Variants in DOCK4 observed in about 807,000 individuals in gnomAD.
DOCK4 encodes dedicator of cytokinesis 4.
DOCK4 carries 97 observed loss-of-function variants against 268.1 expected under a neutral mutation model. That is an observed-to-expected ratio of 0.36 (90% CI 0.31 to 0.43). The LOEUF is 0.43. Ranked by LOEUF, DOCK4 falls within the 20% of genes least tolerant of loss-of-function variation. DOCK4 has a pLI of 1.00. For synonymous variants in DOCK4, 954 were observed against 887.2 expected, an observed-to-expected ratio of 1.08 and a Z score of -1.34; for missense variants, 2,145 against 2,455.7, an observed-to-expected ratio of 0.87 and a Z score of 2.67.
intron 1 of DOCK4, among the ~76,000 whole-genome samples, chr7:112,051,687 G>C (rs1019130470): frequency 6.6e-6 from 1 of 151,896 alleles, no homozygotes; most frequent in African/African-American, 2.4e-5. Flanking sequence ...TAAAAACTTG[G>C]AAGCATGAAG....
intron 34 of DOCK4, 94 bp from the exon 35 acceptor site, chr7:111,783,018 G>GAAAAAAAAAAAAAAAAAAA: frequency 2.0e-6 from 1 of 512,490 alleles, no homozygotes; most frequent in East Asian, 3.7e-5. Context: ...AAGAAAGAAA[G>GAAAAAAAAAAAAAAAAAAA]AAAAAAAAAA....
chr7:112,109,641 T>C (rs1043340492), intron 1 of DOCK4, among the ~76,000 whole-genome samples: 1 of 152,196 alleles, frequency 6.6e-6, no homozygotes, highest in Non-Finnish European at 1.5e-5. Context: ...TTTTAACAAG[T>C]TCGAAGAGAA....
At chr7:111,981,847 A>T (rs1421964189) in intron 7 of DOCK4, among the ~76,000 whole-genome samples, 1 of 152,082 alleles carries the variant, frequency 6.6e-6, no homozygotes, top group Non-Finnish European at 1.5e-5. Context: ...GCAACACTGA[A>T]CTCTAGGCAG....
At chr7:112,101,773 T>G (rs1184193041) in intron 1 of DOCK4, among the ~76,000 whole-genome samples, 1 of 152,178 alleles carries the variant, frequency 6.6e-6, no homozygotes, top group Non-Finnish European at 1.5e-5. Flanking sequence ...CTTATAGTCT[T>G]TTTTTGCTCG....
chr7:112,159,875 C>CAT (rs749944855), intron 1 of DOCK4, among the ~76,000 whole-genome samples: 195 of 141,208 alleles, frequency 1.4e-3, no homozygotes, highest in Non-Finnish European at 2.2e-3. Context: ...TACATATACA[C>CAT]ATATATATAT....
At chr7:111,960,225 C>T (rs1397056135) in intron 8 of DOCK4, among the ~76,000 whole-genome samples, 3 of 151,322 alleles carry the variant, frequency 2.0e-5, no homozygotes, top group African/African-American at 4.9e-5. Context: ...ATTAGCAGGG[C>T]GTGGTGGCAT....
intron 4 of DOCK4, among the ~76,000 whole-genome samples, chr7:111,997,779 C>T (rs1192737402): frequency 3.3e-5 from 5 of 152,152 alleles, no homozygotes; most frequent in Non-Finnish European, 7.4e-5. Context: ...AAATCCATGG[C>T]CCCTTATGAT....
At chr7:111,782,822 A>T in intron 35 of DOCK4, 42 bp downstream of exon 35, 1 of 1,582,980 alleles carries the variant, frequency 6.3e-7, no homozygotes, top group Non-Finnish European at 8.7e-7. Context: ...AAAAAATACA[A>T]GTATTAGGAG....
At chr7:111,821,196 CA>C (rs1801949671) in intron 27 of DOCK4, 1 of 152,112 alleles carries the variant, frequency 6.6e-6, no homozygotes, top group Non-Finnish European at 1.5e-5. Context: ...CATATATAAT[CA>C]AAATCGAATC....
intron 5 of DOCK4, among the ~76,000 whole-genome samples, chr7:111,992,734 T>C (rs1368226425): frequency 6.6e-6 from 1 of 152,220 alleles, no homozygotes; most frequent in East Asian, 1.9e-4. Flanking sequence ...AAAGTGTTTG[T>C]GTTCTAGTTC....
chr7:111,968,976 C>T (rs1167828127), intron 8 of DOCK4, among the ~76,000 whole-genome samples: 27 of 92,266 alleles, frequency 2.9e-4, no homozygotes, highest in South Asian at 2.5e-3. Flanking sequence ...AACCAAACAC[C>T]GCATATTCTC....
intron 30 of DOCK4, among the ~76,000 whole-genome samples, chr7:111,801,425 G>A (rs997231288): frequency 6.6e-6 from 1 of 152,140 alleles, no homozygotes. Flanking sequence ...CACACCACAT[G>A]TGTGCGTGTC....
intron 8 of DOCK4, among the ~76,000 whole-genome samples, chr7:111,950,461 A>T (rs1162629757): frequency 3.3e-5 from 5 of 152,202 alleles, no homozygotes; most frequent in Non-Finnish European, 7.3e-5. Flanking sequence ...GTGGAAGAGA[A>T]GTTTATATGT....
chr7:111,848,393 C>T (rs2134100199), intron 23 of DOCK4, among the ~76,000 whole-genome samples: 1 of 152,324 alleles, frequency 6.6e-6, no homozygotes, highest in African/African-American at 2.4e-5. Context: ...GAAAGCGATG[C>T]TACTGCCACC....
chr7:111,843,192 G>C (rs537299954), intron 25 of DOCK4, among the ~76,000 whole-genome samples: 102 of 152,236 alleles, frequency 6.7e-4, no homozygotes, highest in African/African-American at 2.2e-3. Context: ...TAACATTTAA[G>C]ATACAGGGCT....
rs185135575 is a variant in DOCK4, at chr7:111,851,309, C to T, written c.2474-4183G>A. Among the ~76,000 whole-genome samples, 1,480 of 151,878 alleles carry T rather than the reference C, an allele frequency of 9.7e-3. 20 individuals are homozygous for T. Among genetic ancestry groups the T allele is most frequent in the African/African-American group, 0.031 (1,291 of 41,430 alleles). On this transcript the variant is annotated intron_variant, in intron 23 of 52. Coordinates refer to ENST00000428084, the MANE Select transcript of DOCK4 (RefSeq NM_001363540.2). ...AATACAAAAAATTAGCTGGGCGTGG[C>T]GGCACGCGCCTGTAAGTCCCAGCTA...
intron 25 of DOCK4, among the ~76,000 whole-genome samples, chr7:111,835,648 T>C (rs1359461494): frequency 1.3e-5 from 2 of 152,342 alleles, no homozygotes; most frequent in East Asian, 3.9e-4. Context: ...AGGCAATCAC[T>C]GGTAACTAAC....
intron 1 of DOCK4, among the ~76,000 whole-genome samples, chr7:112,166,421 C>T (rs993706989): frequency 6.6e-6 from 1 of 152,154 alleles, no homozygotes; most frequent in African/African-American, 2.4e-5. Context: ...CAAAAGATTC[C>T]TCCTGTCCAC....
intron 1 of DOCK4, among the ~76,000 whole-genome samples, chr7:112,105,795 C>T (rs1811097464): frequency 6.6e-6 from 1 of 151,258 alleles, no homozygotes; most frequent in Non-Finnish European, 1.5e-5. Flanking sequence ...CTCAAGCAAT[C>T]CTCCCACCTC....
Sources: gnomAD v4.1 joint callset for allele counts (sites outside exome capture counted in the v4.1 genomes callset) on GRCh38, gnomAD v4.1.1 for gene constraint, MANE v1.5 for transcripts, NCBI Gene and HGNC (gene_info 2026-07-23, HGNC 2026-07-21) for gene names.